The following TSPAN18 variants were observed in gnomAD, a reference collection of about 807,000 sequenced individuals.
TSPAN18 encodes tetraspanin 18, also known as tetraspanin-18.
Under a neutral mutation model 27.3 loss-of-function variants are expected in TSPAN18, and 14 were observed. That is an observed-to-expected ratio of 0.51 (90% CI 0.34 to 0.80). TSPAN18 has a LOEUF of 0.80. Among genes scored for constraint, TSPAN18 ranks in the 30% least tolerant of loss-of-function variants. The pLI is 0.01. For synonymous variants in TSPAN18, 143 were observed against 136.5 expected (o/e 1.05, Z -0.33); for missense variants, 268 against 323.9 (o/e 0.83, Z 1.32).
intron 2 of TSPAN18, among the ~76,000 whole-genome samples, chr11:44,785,460 G>A (rs1856032712): frequency 6.6e-6 from 1 of 151,798 alleles, no homozygotes; most frequent in Admixed American, 6.5e-5. Flanking sequence ...TGAAAAGGAA[G>A]AAATAGAGGT....
chr11:44,741,976 T>C (rs1453229624), intron 1 of TSPAN18, among the ~76,000 whole-genome samples: 1 of 151,976 alleles, frequency 6.6e-6, no homozygotes, highest in African/African-American at 2.4e-5. Context: ...AGTTTTTCCA[T>C]ATACACACCA....
chr11:44,743,932 C>T (rs1386258714), intron 1 of TSPAN18, among the ~76,000 whole-genome samples: 1 of 152,202 alleles, frequency 6.6e-6, no homozygotes, highest in East Asian at 1.9e-4. Context: ...AGATTTGCAG[C>T]TGTTAGGGAA....
chr11:44,796,503 C>T (rs1228931526), intron 2 of TSPAN18, among the ~76,000 whole-genome samples: 1 of 152,098 alleles, frequency 6.6e-6, no homozygotes, highest in Non-Finnish European at 1.5e-5. Context: ...AGTCATCGTC[C>T]CTGTTTCCAG....
intron 2 of TSPAN18, among the ~76,000 whole-genome samples, chr11:44,853,044 A>G (rs569433412): frequency 6.6e-6 from 1 of 152,308 alleles, no homozygotes; most frequent in East Asian, 1.9e-4. Flanking sequence ...TGAAGGAGGG[A>G]CTTGGGCATT....
intron 2 of TSPAN18, among the ~76,000 whole-genome samples, chr11:44,816,207 G>A (rs912275579): frequency 1.9e-4 from 29 of 152,214 alleles, no homozygotes; most frequent in African/African-American, 5.1e-4. Flanking sequence ...AAAGGTGCAC[G>A]GAGCTCCCTT....
chr11:44,832,483 A>G (rs76123787), intron 2 of TSPAN18, among the ~76,000 whole-genome samples: 6,916 of 151,520 alleles, frequency 0.046, 523 homozygotes, highest in African/African-American at 0.16. Context: ...TCTACCCTAG[A>G]CCCCCAAATT....
At chr11:44,880,764 G>A (rs1858468002) in intron 3 of TSPAN18, among the ~76,000 whole-genome samples, 1 of 152,262 alleles carries the variant, frequency 6.6e-6, no homozygotes, top group South Asian at 2.1e-4. Context: ...TGGACTCAAG[G>A]ACCTCTGAGC....
chr11:44,846,857 G>A (rs889312107), intron 2 of TSPAN18, among the ~76,000 whole-genome samples: 2 of 152,088 alleles, frequency 1.3e-5, no homozygotes, highest in Non-Finnish European at 2.9e-5. Flanking sequence ...GCAGGTCCCC[G>A]CTCTTCAGGA....
chr11:44,781,524 GCA>G (rs1855939847), intron 2 of TSPAN18, among the ~76,000 whole-genome samples: 1 of 152,212 alleles, frequency 6.6e-6, no homozygotes, highest in Admixed American at 6.5e-5. Context: ...GTAGGACACA[GCA>G]CATCCTTGCT....
intron 6 of TSPAN18, 131 bp downstream of exon 6, chr11:44,918,177 A>C (rs1019057574): frequency 3.2e-6 from 3 of 941,186 alleles, no homozygotes; most frequent in Non-Finnish European, 4.9e-6. Flanking sequence ...CTTCCAGCCC[A>C]AGTCATGGCC....
chr11:44,846,633 T>C (rs835794), intron 2 of TSPAN18, among the ~76,000 whole-genome samples: 77,937 of 151,646 alleles, frequency 0.51, 20,416 homozygotes, highest in East Asian at 0.75. Context: ...TGTCTATGTC[T>C]GTGTGCACCT....
chr11:44,829,113 C>A (rs181743955), intron 2 of TSPAN18, among the ~76,000 whole-genome samples: 3 of 152,220 alleles, frequency 2.0e-5, no homozygotes, highest in Non-Finnish European at 4.4e-5. Flanking sequence ...TACCCAGGCA[C>A]ACACATGGTT....
At chr11:44,841,561 G>C (rs1857374711) in intron 2 of TSPAN18, among the ~76,000 whole-genome samples, 1 of 151,704 alleles carries the variant, frequency 6.6e-6, no homozygotes, top group South Asian at 2.1e-4. Context: ...ATGAAGGTGG[G>C]AAAATATTTT....
At chr11:44,741,584 A>G (rs1488015497) in intron 1 of TSPAN18, among the ~76,000 whole-genome samples, 3 of 152,264 alleles carry the variant, frequency 2.0e-5, no homozygotes, top group African/African-American at 7.2e-5. Context: ...CTGGTGAGAC[A>G]TACGGGATTA....
chr11:44,781,520 C>G (rs560509750), intron 2 of TSPAN18, among the ~76,000 whole-genome samples: 1 of 152,298 alleles, frequency 6.6e-6, no homozygotes, highest in African/African-American at 2.4e-5. Flanking sequence ...CATAGTAGGA[C>G]ACAGCACATC....
chr11:44,930,928 G>T lies in TSPAN18; in HGVS notation c.*1750G>T. ...GTATCAGCTTCCAGCCTCCCCTCAG[G>T]CTTTCCAGTCACCAGGGACACTCGG... On this transcript the variant is annotated 3_prime_UTR_variant, in exon 10 of 10. Transcript: ENST00000520358. 3.8e-6 allele frequency: 2 copies of T among 521,070 alleles called. No individual in the cohort carries two copies. 32.3% of individuals were successfully genotyped at this position (521,070 alleles called of 1,614,324 possible).
intron 2 of TSPAN18, among the ~76,000 whole-genome samples, chr11:44,812,393 C>A (rs757234357): frequency 2.6e-5 from 4 of 152,212 alleles, no homozygotes; most frequent in Admixed American, 6.5e-5. Flanking sequence ...CTCCTTCCTT[C>A]CTGCTGTGTG....
chr11:44,810,259 C>T (rs1856684761), intron 2 of TSPAN18, among the ~76,000 whole-genome samples: 2 of 152,168 alleles, frequency 1.3e-5, no homozygotes, highest in Non-Finnish European at 2.9e-5. Context: ...ATTTCCATCA[C>T]CCCTTATCCA....
intron 3 of TSPAN18, among the ~76,000 whole-genome samples, chr11:44,869,027 G>C (rs1304863181): frequency 6.6e-6 from 1 of 152,250 alleles, no homozygotes; most frequent in Non-Finnish European, 1.5e-5. Flanking sequence ...TTCTGGCTGA[G>C]GGGGTGCCAG....
Sources: gnomAD v4.1 joint callset for allele counts (sites outside exome capture counted in the v4.1 genomes callset) on GRCh38, gnomAD v4.1.1 for gene constraint, MANE v1.5 for transcripts, NCBI Gene and HGNC (gene_info 2026-07-23, HGNC 2026-07-21) for gene names.